C8orf34: variants seen among roughly 807,000 people sequenced by gnomAD.
C8orf34 encodes uncharacterized protein C8orf34.
A neutral mutation model predicts 68.3 loss-of-function variants in C8orf34; 65 were observed. The observed-to-expected ratio is 0.95, with a 90% CI of 0.78 to 1.17. C8orf34 has a LOEUF of 1.17. Ranked by LOEUF, C8orf34 falls within the 50% of genes most tolerant of loss-of-function variation. C8orf34 has a pLI of 0.00. For synonymous variants in C8orf34, 244 were observed against 241.2 expected, an observed-to-expected ratio of 1.01 and a Z score of -0.11; for missense variants, 664 against 655.4, an observed-to-expected ratio of 1.01 and a Z score of -0.14.
intron 6 of C8orf34, among the ~76,000 whole-genome samples, chr8:68,524,024 T>C (rs1480091553): frequency 6.6e-6 from 1 of 152,214 alleles, no homozygotes; most frequent in Non-Finnish European, 1.5e-5. Flanking sequence ...AGGCATCTGC[T>C]AAATAAAGCT....
chr8:68,492,126 C>T (rs745989913), intron 5 of C8orf34, among the ~76,000 whole-genome samples: 51 of 152,224 alleles, frequency 3.4e-4, no homozygotes, highest in Non-Finnish European at 3.8e-4. Flanking sequence ...AGACATGCCA[C>T]AAGAAGATTC....
chr8:68,359,777 A>C (rs370911007), intron 1 of C8orf34, among the ~76,000 whole-genome samples: 23 of 152,188 alleles, frequency 1.5e-4, no homozygotes, highest in East Asian at 5.8e-4. Context: ...AGGAATGTAA[A>C]GGAATGAAAT....
intron 1 of C8orf34, among the ~76,000 whole-genome samples, chr8:68,354,401 G>A (rs1480292316): frequency 6.6e-6 from 1 of 152,072 alleles, no homozygotes; most frequent in Non-Finnish European, 1.5e-5. Context: ...GGGTGCAGTG[G>A]TGTGATAATA....
At chr8:68,404,501 G>A (rs1283146937) in intron 1 of C8orf34, among the ~76,000 whole-genome samples, 1 of 152,064 alleles carries the variant, frequency 6.6e-6, no homozygotes, top group Non-Finnish European at 1.5e-5. Flanking sequence ...GGTTTTTATG[G>A]TTTTAGGTCT....
At chr8:68,593,781 A>G in intron 7 of C8orf34, among the ~76,000 whole-genome samples, 1 of 151,704 alleles carries the variant, frequency 6.6e-6, no homozygotes. Context: ...GTTTTTATTC[A>G]GTTATTTCTG....
At chr8:68,768,890 T>G (rs541548525) in intron 10 of C8orf34, among the ~76,000 whole-genome samples, 1 of 151,974 alleles carries the variant, frequency 6.6e-6, no homozygotes, top group African/African-American at 2.4e-5. Context: ...GTTCACACTT[T>G]TTTTTTTTAG....
intron 10 of C8orf34, among the ~76,000 whole-genome samples, chr8:68,745,001 T>A (rs1348601870): frequency 3.3e-5 from 5 of 152,016 alleles, no homozygotes; most frequent in South Asian, 2.1e-4. Context: ...CGGGTTACCC[T>A]GAAAGGGAAG....
Position 68,396,712 on chromosome 8 carries a change from CAAAAAAAAAA to C in C8orf34, c.328-42767_328-42758del, listed in dbSNP as rs56946858. Among the ~76,000 whole-genome samples the C allele has an allele frequency of 5.8e-3, 108 of 18,690 alleles. 1 individual carries two copies. In the East Asian group the frequency reaches 0.12, roughly 21 times the overall value. The allele number at this position is 18,690 out of a possible 152,430, so 12.3% of individuals were successfully genotyped here. A position where few individuals can be genotyped will look rare whatever the true frequency, so the allele number is the denominator to read the frequency against. ...ATTAGTTCCTGCAAAAGCTGCTTGT[CAAAAAAAAAA>C]AAAAAAAAAAAAAAAAAAAGCCTGG... is the stretch of plus-strand genomic sequence containing the variant. On this transcript the variant is annotated intron_variant, in intron 1 of 13. Coordinates refer to ENST00000518698, the MANE Select transcript of C8orf34 (RefSeq NM_052958.4).
chr8:68,708,015 T>C (rs1174741709), intron 8 of C8orf34, among the ~76,000 whole-genome samples: 1 of 152,146 alleles, frequency 6.6e-6, no homozygotes, highest in African/African-American at 2.4e-5. Flanking sequence ...AAGTGGTCTT[T>C]TTCCCAAGAA....
At chr8:68,438,193 A>C (rs757999855) in intron 1 of C8orf34, 2 of 152,168 alleles carry the variant, frequency 1.3e-5, no homozygotes, top group Non-Finnish European at 2.9e-5. Context: ...CCCTACAGAG[A>C]AAACTGATAT....
rs1224756627 is a variant in C8orf34, at chr8:68,774,944, T to TAAAAAAAAAA, written c.1405-1441_1405-1432dup. Among the ~76,000 whole-genome samples, 23 of 44,680 alleles carry TAAAAAAAAAA rather than the reference T, an allele frequency of 5.1e-4. 1 individual carries two copies. Among genetic ancestry groups the TAAAAAAAAAA allele is most frequent in the African/African-American group, 2.4e-3 (19 of 8,012 alleles). The allele number at this position is 44,680 out of a possible 152,430, so 29.3% of individuals were successfully genotyped here. Reference sequence around the variant, plus strand: ...CAACATGATGAAACCCTGTCTCCACTAAAAAAAAAAAAAAAAAAAAAAATT... The same window carrying TAAAAAAAAAA: ...CAACATGATGAAACCCTGTCTCCACTAAAAAAAAAAAAAAAAAAAAAAAAAAAAAAAAATT... On this transcript the variant is annotated intron_variant, in intron 10 of 13. Transcript: ENST00000518698.
intron 8 of C8orf34, chr8:68,695,675 T>C (rs979229244): frequency 5.9e-5 from 9 of 152,140 alleles, no homozygotes; most frequent in Non-Finnish European, 1.2e-4. Flanking sequence ...ACATACCCAA[T>C]CTCATCTGAT....
chr8:68,626,106 A>T (rs987258303), intron 7 of C8orf34, among the ~76,000 whole-genome samples: 1 of 152,150 alleles, frequency 6.6e-6, no homozygotes, highest in South Asian at 2.1e-4. Context: ...CCATGTGGAG[A>T]TGAGAGAGAG....
At chr8:68,612,939 C>T (rs756318489) in intron 7 of C8orf34, among the ~76,000 whole-genome samples, 20 of 152,096 alleles carry the variant, frequency 1.3e-4, no homozygotes, top group Non-Finnish European at 2.8e-4. Flanking sequence ...AACGTAATTT[C>T]TAGTTATCTT....
chr8:68,362,679 G>C (rs1243674497), intron 1 of C8orf34, among the ~76,000 whole-genome samples: 1 of 152,126 alleles, frequency 6.6e-6, no homozygotes, highest in African/African-American at 2.4e-5. Flanking sequence ...CTGCAGCTGA[G>C]GGTCCTGTCT....
chr8:68,379,476 G>A (rs1029705547), intron 1 of C8orf34, among the ~76,000 whole-genome samples: 13 of 152,190 alleles, frequency 8.5e-5, no homozygotes, highest in Admixed American at 7.2e-4. Context: ...CCACAGCAGC[G>A]CTGACTGAGA....
intron 4 of C8orf34, among the ~76,000 whole-genome samples, chr8:68,487,523 A>G (rs1411417160): frequency 1.3e-5 from 2 of 152,188 alleles, no homozygotes; most frequent in African/African-American, 4.8e-5. Flanking sequence ...GGAGCTGTCA[A>G]TCTGAGGGAC....
intron 9 of C8orf34, among the ~76,000 whole-genome samples, chr8:68,711,669 C>T (rs907036923): frequency 3.3e-5 from 5 of 152,060 alleles, no homozygotes; most frequent in Non-Finnish European, 7.4e-5. Context: ...AACAAAGTCT[C>T]CAAGAAGTTT....
At position 68,383,159 on chromosome 8, in the gene C8orf34, A is replaced by C. The variant is rs1808114467; in HGVS notation, c.327+51820A>C. Among the ~76,000 whole-genome samples, 4 of 152,324 alleles carry C rather than the reference A, an allele frequency of 2.6e-5. No individual in the cohort carries two copies. The South Asian group carries it at 8.3e-4, about 32-fold the overall frequency. On this transcript the variant is annotated intron_variant, in intron 1 of 13. Transcript: ENST00000518698. ...AGGTCCAGCACACACTTGAGAGTGA[A>C]ATTATCTGGGGTCATTATCATGGCC...
Sources: allele counts gnomAD v4.1 joint callset (sites outside exome capture counted in the v4.1 genomes callset), GRCh38; gene constraint gnomAD v4.1.1; transcripts MANE v1.5; gene names NCBI Gene and HGNC (gene_info 2026-07-23, HGNC 2026-07-21).